Variants in GNS observed in about 807,000 individuals in gnomAD.
GNS encodes the protein N-acetylglucosamine-6-sulfatase.
In GNS, 40 loss-of-function variants were observed where a neutral mutation model predicts 69.7. The ratio of observed to expected loss-of-function variants is 0.57; its 90% CI spans 0.45 to 0.75. The LOEUF (loss-of-function observed/expected upper bound fraction) is 0.75. Among genes scored for constraint, GNS ranks in the 30% least tolerant of loss-of-function variants. The pLI, the probability that GNS is intolerant of heterozygous loss-of-function variation, is 0.00. For missense variants in GNS, 565 were observed against 685.5 expected (o/e 0.82, Z 1.96); for synonymous variants, 243 against 251.6 (o/e 0.97, Z 0.32).
At position 64,714,567 on chromosome 12, in the gene GNS, G is replaced by A. The variant is rs1180505097; in HGVS notation, c.*2174C>T. 3 of 152,202 alleles carry A rather than the reference G, an allele frequency of 2.0e-5. No individual in the cohort carries two copies. Among genetic ancestry groups the A allele is most frequent in the Non-Finnish European group, 4.4e-5 (3 of 68,034 alleles). The allele number at this position is 152,202 out of a possible 1,614,324, so 9.4% of individuals were successfully genotyped here. A position where few individuals can be genotyped will look rare whatever the true frequency, so the allele number is the denominator to read the frequency against. On this transcript the variant is annotated 3_prime_UTR_variant, in exon 14 of 14. Transcript: ENST00000258145. ...GGAAATATACCAAAAATAGAAGAGCGTAGAGAGGGCTGCACCACATCCTAC... is the reference window on the plus strand; with the variant it reads ...GGAAATATACCAAAAATAGAAGAGCATAGAGAGGGCTGCACCACATCCTAC...
At chr12:64,725,323 C>T (rs1200664808) in intron 10 of GNS, among the ~76,000 whole-genome samples, 2 of 152,198 alleles carry the variant, frequency 1.3e-5, no homozygotes, top group Admixed American at 1.3e-4. Context: ...ATGAGTGTGG[C>T]TGTATTCTGA....
At chr12:64,743,672 GAC>G (rs1336600594) in intron 5 of GNS, among the ~76,000 whole-genome samples, 6 of 152,272 alleles carry the variant, frequency 3.9e-5, no homozygotes, top group African/African-American at 1.4e-4. Context: ...AATGTAAAAA[GAC>G]AGTCAACTTA....
intron 11 of GNS, among the ~76,000 whole-genome samples, chr12:64,722,599 G>C (rs1418827796): frequency 6.6e-6 from 1 of 152,176 alleles, no homozygotes; most frequent in East Asian, 1.9e-4. Context: ...TTCCCTCTTT[G>C]TGACCTGCCT....
chr12:64,744,106 T>C lies in GNS; in HGVS notation c.624+703A>G, dbSNP rs1274701690. On this transcript the variant is annotated intron_variant, in intron 5 of 13. Transcript: ENST00000258145. Reference sequence around the variant, plus strand: ...TCTTCCCCCTGATCTGCACAGCTCATTCTCACCTACTTCAGGTTTCTGCTT... The same window carrying C: ...TCTTCCCCCTGATCTGCACAGCTCACTCTCACCTACTTCAGGTTTCTGCTT... Among the ~76,000 whole-genome samples the C allele has an allele frequency of 7.2e-5, 11 of 152,372 alleles. No individual in the cohort carries two copies. The South Asian group carries it at 8.3e-4, about 11-fold the overall frequency.
At position 64,714,618 on chromosome 12, in the gene GNS, G is replaced by A. The variant is rs1272571145; in HGVS notation, c.*2123C>T. 1 of 152,216 alleles carries A rather than the reference G, an allele frequency of 6.6e-6. No individual in the cohort carries two copies. 9.4% of individuals were successfully genotyped at this position (152,216 alleles called of 1,614,324 possible). A position where few individuals can be genotyped will look rare whatever the true frequency, so the allele number is the denominator to read the frequency against. ...CACGCAAGCACACCCACTGAACTGA[G>A]TAAGAGTGGCGTGGCTGAGGTGCCG... On this transcript the variant is annotated 3_prime_UTR_variant, in exon 14 of 14. Coordinates refer to ENST00000258145, the MANE Select transcript of GNS (RefSeq NM_002076.4).
intron 1 of GNS, among the ~76,000 whole-genome samples, chr12:64,754,240 A>AT (rs1167881109): frequency 6.6e-6 from 1 of 152,188 alleles, no homozygotes; most frequent in African/African-American, 2.4e-5. Flanking sequence ...CAGGTAAACA[A>AT]TCAGTCATTT....
intron 11 of GNS, 127 bp downstream of exon 11, chr12:64,722,879 C>T: frequency 1.4e-6 from 1 of 710,808 alleles, no homozygotes; most frequent in South Asian, 1.5e-5. Context: ...CATCTACTAA[C>T]CACTCACAGT....
intron 10 of GNS, among the ~76,000 whole-genome samples, chr12:64,726,128 C>G (rs1869191989): frequency 6.6e-6 from 1 of 151,444 alleles, no homozygotes; most frequent in Admixed American, 6.6e-5. Flanking sequence ...AACCAAAAGC[C>G]AACATTTTTC....
chr12:64,752,761 T>C lies in GNS; in HGVS notation c.193-4A>G. The C allele has an allele frequency of 7.3e-7, 1 of 1,374,996 alleles. No individual in the cohort carries two copies. The highest frequency in any genetic ancestry group is 1.0e-6 in the Non-Finnish European group (1 of 965,470). 85.2% of individuals were successfully genotyped at this position (1,374,996 alleles called of 1,614,324 possible). A position where few individuals can be genotyped will look rare whatever the true frequency, so the allele number is the denominator to read the frequency against. On this transcript the variant is annotated splice_region_variant and splice_polypyrimidine_tract_variant and intron_variant, in intron 1 of 13. Coordinates refer to ENST00000258145, the MANE Select transcript of GNS (RefSeq NM_002076.4). ...CTTTGGTTTTCTTTAGCGGTGTCTG[T>C]AAAAGTAAGTAATTATCCATTAAAC...
In GNS at chr12:64,745,676, T is replaced by A. The variant is rs1036127722; in HGVS notation, c.508A>T (p.Ser170Cys). 1.2e-6 allele frequency: 2 copies of A among 1,605,158 alleles called. No homozygotes were observed. Among genetic ancestry groups the A allele is most frequent in the Non-Finnish European group, 8.5e-7 (1 of 1,171,948 alleles). The change falls in exon 4 of 14, where the codon AGT becomes TGT. Residue 170 changes from serine to cysteine, a missense_variant. Transcript: ENST00000258145. ...TCACTCACCAAGGCATACCAGTAAC[T>A]CCAACCCAGAGGAACGTGTTCTAGT... ...GGLEHVPLGW[S>C]YWYALEKNSK...
chr12:64,736,198 G>T (rs1264672341), intron 9 of GNS, among the ~76,000 whole-genome samples: 1 of 152,168 alleles, frequency 6.6e-6, no homozygotes, highest in Non-Finnish European at 1.5e-5. Flanking sequence ...TTTGGATGAA[G>T]GTCCTCATGA....
rs143736212 is a variant in GNS at position 64,743,282 on chromosome 12, G to A, written c.651C>T (p.Asp217=). The A allele has an allele frequency of 6.2e-7, 1 of 1,613,070 alleles. No individual in the cohort carries two copies. The highest frequency in any genetic ancestry group is 2.2e-5 in the East Asian group (1 of 44,878). ...AGAAGGGCTCAAAGTTGGACTTGTA[G>A]TCCAGAAAGTCCAAGGAGACATTAG... The part of the protein sequence containing the change: ...VLANVSLDFL[D]YKSNFEPFFM... The change falls in exon 6 of 14, where the codon GAC becomes GAT. Residue 217 remains aspartate (D), a synonymous_variant. Transcript: ENST00000258145.
intron 9 of GNS, chr12:64,729,312 T>C (rs1869311629): frequency 2.2e-6 from 1 of 452,812 alleles, no homozygotes. Flanking sequence ...CATTCTGTTA[T>C]TGATCAAAAT....
At chr12:64,755,066 A>G (rs1870205892) in intron 1 of GNS, among the ~76,000 whole-genome samples, 1 of 152,152 alleles carries the variant, frequency 6.6e-6, no homozygotes, top group Non-Finnish European at 1.5e-5. Context: ...TTAAGATCGA[A>G]GCAAAGACAG....
rs11833658 is a variant in GNS at position 64,749,410 on chromosome 12, G to A, written c.253-1492C>T. ...TGGGACTACAGGTGCCCGCCACCAC[G>A]CCCGGCTAATTTTTTGTAGTTTTAG... is the stretch of plus-strand genomic sequence containing the variant. On this transcript the variant is annotated intron_variant, in intron 2 of 13. Coordinates refer to ENST00000258145, the MANE Select transcript of GNS (RefSeq NM_002076.4). Among the ~76,000 whole-genome samples the A allele has an allele frequency of 7.5e-3, 1,130 of 151,446 alleles. 16 individuals carry two copies. The highest frequency in any genetic ancestry group is 0.025 in the African/African-American group (1,043 of 41,232).
intron 11 of GNS, among the ~76,000 whole-genome samples, chr12:64,722,023 C>T (rs372725938): frequency 6.6e-6 from 1 of 151,834 alleles, no homozygotes. Flanking sequence ...TCAAATGACT[C>T]CTTTCTTTTT....
intron 4 of GNS, 89 bp downstream of exon 4, chr12:64,745,570 T>C (rs1382396752): frequency 3.9e-5 from 34 of 874,182 alleles, no homozygotes; most frequent in Non-Finnish European, 6.7e-5. Context: ...TAAAAGCAAA[T>C]AAAGTTATGT....
At chr12:64,735,964 A>C (rs1243931581) in intron 9 of GNS, among the ~76,000 whole-genome samples, 1 of 152,278 alleles carries the variant, frequency 6.6e-6, no homozygotes, top group East Asian at 1.9e-4. Flanking sequence ...CATTTAAACA[A>C]GTAAACATCA....
rs978924418 is a variant in GNS, at chr12:64,714,668, A to G, written c.*2073T>C. Reference sequence around the variant, plus strand: ...GTCAGCAGCTGACTATGTCACTCTTATGAGTTCTGCTCAGGAACAAGCATA... The same window carrying G: ...GTCAGCAGCTGACTATGTCACTCTTGTGAGTTCTGCTCAGGAACAAGCATA... On this transcript the variant is annotated 3_prime_UTR_variant, in exon 14 of 14. Transcript: ENST00000258145. 6.6e-6 allele frequency: 1 copy of G among 152,222 alleles called. No individual in the cohort carries two copies. The highest frequency in any genetic ancestry group is 6.5e-5 in the Admixed American group (1 of 15,276). 9.4% of individuals were successfully genotyped at this position (152,222 alleles called of 1,614,324 possible). A position where few individuals can be genotyped will look rare whatever the true frequency, so the allele number is the denominator to read the frequency against.
Sources: allele counts gnomAD v4.1 joint callset (sites outside exome capture counted in the v4.1 genomes callset), GRCh38; gene constraint gnomAD v4.1.1; transcripts MANE v1.5; gene names NCBI Gene and HGNC (gene_info 2026-07-23, HGNC 2026-07-21).